SLC22A4: variants seen among roughly 807,000 people sequenced by gnomAD.
SLC22A4 encodes solute carrier family 22 member 4.
In SLC22A4, 39 loss-of-function variants were observed where a neutral mutation model predicts 56.6. The ratio of observed to expected loss-of-function variants is 0.69; its 90% CI spans 0.53 to 0.90. SLC22A4 has a LOEUF of 0.90. SLC22A4 is among the 40% of genes least tolerant of loss of function. The probability of loss-of-function intolerance (pLI) is 0.00; values close to 1 mark genes in which losing one functional copy is unlikely to be tolerated. For synonymous variants in SLC22A4, 241 were observed against 281.4 expected, an observed-to-expected ratio of 0.86 and a Z score of 1.44; for missense variants, 594 against 696.5, an observed-to-expected ratio of 0.85 and a Z score of 1.66.
chr5:132,322,156 G>A (rs773632987), intron 3 of SLC22A4, 28 bp from the exon 4 acceptor site: 23 of 1,597,972 alleles, frequency 1.4e-5, no homozygotes, highest in Non-Finnish European at 1.8e-5. Flanking sequence ...GAGTTAATAT[G>A]CTAATACTCC....
chr5:132,343,325 T>C (rs17165928), intron 9 of SLC22A4, among the ~76,000 whole-genome samples: 8,784 of 152,262 alleles, frequency 0.058, 498 homozygotes, highest in East Asian at 0.24. Context: ...CATACGGCTA[T>C]TTTGAGGTTA....
intron 4 of SLC22A4, among the ~76,000 whole-genome samples, chr5:132,323,351 C>G (rs973870013): frequency 6.6e-6 from 1 of 152,184 alleles, no homozygotes; most frequent in Non-Finnish European, 1.5e-5. Flanking sequence ...CTTTATCTTA[C>G]TGCAGCTGTT....
chr5:132,337,268 C>CTTTTTTT (rs1561548375), intron 8 of SLC22A4, among the ~76,000 whole-genome samples: 1 of 67,152 alleles, frequency 1.5e-5, no homozygotes. Flanking sequence ...ATAAAGATTA[C>CTTTTTTT]CTTTTTTTTT....
chr5:132,324,263 A>G (rs1472099141), intron 4 of SLC22A4, among the ~76,000 whole-genome samples: 1 of 152,186 alleles, frequency 6.6e-6, no homozygotes, highest in Non-Finnish European at 1.5e-5. Flanking sequence ...GAATAACAAT[A>G]TAAAGCCTCT....
At chr5:132,340,896 ACC>A (rs1350419572) in intron 9 of SLC22A4, among the ~76,000 whole-genome samples, 196 bp downstream of exon 9, 2 of 151,906 alleles carry the variant, frequency 1.3e-5, no homozygotes, top group Admixed American at 6.6e-5. Flanking sequence ...CAGGTGGATC[ACC>A]TGAGGTCAGG....
At chr5:132,320,192 G>C (rs1406255681) in intron 3 of SLC22A4, among the ~76,000 whole-genome samples, 3 of 152,198 alleles carry the variant, frequency 2.0e-5, no homozygotes, top group Admixed American at 6.5e-5. Context: ...CCCATGCTTA[G>C]AGAGGGAGAT....
intron 5 of SLC22A4, among the ~76,000 whole-genome samples, chr5:132,331,436 G>C (rs1442913341): frequency 1.3e-5 from 2 of 152,206 alleles, no homozygotes; most frequent in African/African-American, 4.8e-5. Flanking sequence ...GAGGATCACA[G>C]ATCAGTGTGG....
chr5:132,295,095 C>T (rs1450044148), intron 1 of SLC22A4, 86 bp downstream of exon 1: 74 of 1,408,800 alleles, frequency 5.3e-5, no homozygotes, highest in Non-Finnish European at 7.3e-5. Flanking sequence ...GCGCAGTGCC[C>T]GGGTCAGCGC....
intron 5 of SLC22A4, among the ~76,000 whole-genome samples, chr5:132,328,891 A>ATG (rs201241772): frequency 5.2e-5 from 2 of 38,292 alleles, no homozygotes; most frequent in Non-Finnish European, 5.6e-5. Context: ...GTGTATATAT[A>ATG]TGTGTGTATG....
In SLC22A4 at chr5:132,334,805, CTTGA is replaced by C; in HGVS notation, c.1139_1142del (p.Ile380LysfsTer21). 1 of 1,613,976 alleles carries C rather than the reference CTTGA, an allele frequency of 6.2e-7. No homozygotes were observed. Among genetic ancestry groups the C allele is most frequent in the Non-Finnish European group, 8.5e-7 (1 of 1,179,886 alleles). On this transcript the variant is annotated frameshift_variant, in exon 7 of 10. Transcript: ENST00000200652. LOFTEE classifies it high-confidence loss of function. ...CCTACCTGAACTGTTTCCTCTCTGC[CTTGA>C]TTGAAATTCCAGCTTACATTACAGC...
chr5:132,317,078 AAGAG>A (rs933223129), intron 3 of SLC22A4, among the ~76,000 whole-genome samples: 3 of 152,192 alleles, frequency 2.0e-5, no homozygotes, highest in Admixed American at 1.3e-4. Flanking sequence ...GAAAGCAAGA[AAGAG>A]AGAGTGAGCC....
At chr5:132,339,421 G>T (rs1440369345) in intron 8 of SLC22A4, among the ~76,000 whole-genome samples, 1 of 151,140 alleles carries the variant, frequency 6.6e-6, no homozygotes, top group African/African-American at 2.4e-5. Context: ...CTACTGGTGA[G>T]AAATGCAGAC....
rs778137526 is a variant in SLC22A4 at position 132,334,851 on chromosome 5, A to T, written c.1180A>T (p.Thr394Ser). The change falls in exon 7 of 10, where the codon ACC becomes TCC. Residue 394 changes from threonine (T) to serine (S), a missense_variant. Thr to Ser is a moderately conservative substitution (Grantham distance 58). Coordinates refer to ENST00000200652, the MANE Select transcript of SLC22A4 (RefSeq NM_003059.3). ...CATTACAGCCTGGCTGCTATTGCGAACCCTGCCCAGGCGTTATATCATAGC... is the reference window on the plus strand; with the variant it reads ...CATTACAGCCTGGCTGCTATTGCGATCCCTGCCCAGGCGTTATATCATAGC... ...AYITAWLLLR[T>S]LPRRYIIAAV... The T allele has an allele frequency of 6.2e-7, 1 of 1,614,016 alleles. No homozygotes were observed. Among genetic ancestry groups the T allele is most frequent in the Non-Finnish European group, 8.5e-7 (1 of 1,179,912 alleles).
chr5:132,298,565 C>T (rs771580902), intron 1 of SLC22A4, among the ~76,000 whole-genome samples: 34 of 152,260 alleles, frequency 2.2e-4, no homozygotes, highest in Non-Finnish European at 3.8e-4. Context: ...CGCTTCTGAA[C>T]TGTACACTTA....
intron 1 of SLC22A4, among the ~76,000 whole-genome samples, chr5:132,298,020 C>G (rs1045334910): frequency 6.6e-6 from 1 of 150,872 alleles, no homozygotes; most frequent in Non-Finnish European, 1.5e-5. Flanking sequence ...AAATTGAAAC[C>G]CTTGTTCATT....
chr5:132,304,009 A>C (rs1257858679), intron 1 of SLC22A4, among the ~76,000 whole-genome samples: 1 of 152,248 alleles, frequency 6.6e-6, no homozygotes, highest in African/African-American at 2.4e-5. Context: ...ATTTAGTGGT[A>C]AGCAACTAAA....
intron 8 of SLC22A4, among the ~76,000 whole-genome samples, chr5:132,340,219 T>C (rs1270842977): frequency 6.6e-6 from 1 of 152,002 alleles, no homozygotes; most frequent in Non-Finnish European, 1.5e-5. Flanking sequence ...TTCTCCTTGA[T>C]GTCCTCCCAT....
chr5:132,338,187 G>A (rs1039264905), intron 8 of SLC22A4, among the ~76,000 whole-genome samples: 37 of 152,232 alleles, frequency 2.4e-4, no homozygotes, highest in African/African-American at 8.4e-4. Context: ...TTAAAGCTAG[G>A]TGTCCGGGGG....
chr5:132,322,106 C>CT (rs1466874769), intron 3 of SLC22A4, 78 bp from the exon 4 acceptor site: 19 of 1,321,554 alleles, frequency 1.4e-5, no homozygotes, highest in Non-Finnish European at 2.1e-5. Flanking sequence ...AGTTTGAACT[C>CT]TAACTGCCAC....
Sources: allele counts gnomAD v4.1 joint callset (sites outside exome capture counted in the v4.1 genomes callset), GRCh38; gene constraint gnomAD v4.1.1; transcripts MANE v1.5; gene names NCBI Gene and HGNC (gene_info 2026-07-23, HGNC 2026-07-21).